Variants in ZNF487 observed in about 807,000 individuals in gnomAD.
ZNF487 encodes the protein zinc finger protein 487.
Under a neutral mutation model 3.0 loss-of-function variants are expected in ZNF487, and 4 were observed. The observed-to-expected ratio is 1.35, with a 90% CI of 0.66 to 3.08. The LOEUF is 3.08. ZNF487 is among the 30% of genes most tolerant of loss of function. The probability of loss-of-function intolerance (pLI) is 0.01; values close to 1 mark genes in which losing one functional copy is unlikely to be tolerated. For synonymous variants in ZNF487, 55 were observed against 34.6 expected, an observed-to-expected ratio of 1.59 and a Z score of -2.06; for missense variants, 146 against 98.7, an observed-to-expected ratio of 1.48 and a Z score of -2.03.
chr10:43,490,009 A>G, the ZNF487 span, among the ~76,000 whole-genome samples: 7 of 152,208 alleles, frequency 4.6e-5, no homozygotes, highest in Admixed American at 4.6e-4. Context: ...TTTATATACT[A>G]TAGACAAGAA....
intron 3 of ZNF487, 96 bp from the exon 4 acceptor site, chr10:43,481,332 CA>C (rs58434594): frequency 0.071 from 28,887 of 409,042 alleles, no homozygotes; most frequent in Non-Finnish European, 0.083. Context: ...GACACTGTGC[CA>C]AAAAAAAAAA....
intron 1 of ZNF487, among the ~76,000 whole-genome samples, chr10:43,443,378 G>A (rs866661808): frequency 8.6e-6 from 1 of 116,318 alleles, no homozygotes. Flanking sequence ...TTTTGTTTTT[G>A]TTTTTTTTTT....
At chr10:43,476,811 G>A (rs2132138937) in intron 3 of ZNF487, among the ~76,000 whole-genome samples, 1 of 152,312 alleles carries the variant, frequency 6.6e-6, no homozygotes, top group African/African-American at 2.4e-5. Flanking sequence ...GTGATGGGGA[G>A]CATGTGAGAG....
At chr10:43,481,258 G>A (rs1365055991) in intron 3 of ZNF487, among the ~76,000 whole-genome samples, 171 bp from the exon 4 acceptor site, 1 of 151,762 alleles carries the variant, frequency 6.6e-6, no homozygotes, top group Non-Finnish European at 1.5e-5. Context: ...CTGAGCCTGG[G>A]AGGTTGAGGC....
At chr10:43,494,765 CAAAAAAAAAA>C in the ZNF487 span, among the ~76,000 whole-genome samples, 6 of 35,790 alleles carry the variant, frequency 1.7e-4, no homozygotes, top group South Asian at 2.4e-3. Context: ...ACTAAAAATA[CAAAAAAAAAA>C]AAAAAAAAAA....
intron 1 of ZNF487, among the ~76,000 whole-genome samples, chr10:43,461,475 A>G (rs1564419748): frequency 6.6e-6 from 1 of 151,640 alleles, no homozygotes; most frequent in Non-Finnish European, 1.5e-5. Flanking sequence ...ATGTACCATA[A>G]TGCCTGGTTA....
At chr10:43,464,461 G>A (rs1424255513) in intron 1 of ZNF487, among the ~76,000 whole-genome samples, 1 of 151,980 alleles carries the variant, frequency 6.6e-6, no homozygotes, top group Admixed American at 6.6e-5. Flanking sequence ...TGGAGGGAAG[G>A]TCAGCAGATA....
intron 3 of ZNF487, among the ~76,000 whole-genome samples, chr10:43,477,079 C>G (rs1841125257): frequency 6.6e-6 from 1 of 151,824 alleles, no homozygotes; most frequent in Non-Finnish European, 1.5e-5. Flanking sequence ...AGTAATGATG[C>G]CCAGTTGGAT....
chr10:43,491,026 G>T, the ZNF487 span, among the ~76,000 whole-genome samples: 1 of 146,560 alleles, frequency 6.8e-6, no homozygotes, highest in Non-Finnish European at 1.5e-5. Context: ...TCTCCTGGGG[G>T]CATGATCTCG....
the ZNF487 span, among the ~76,000 whole-genome samples, chr10:43,497,968 A>G: frequency 4.9e-5 from 3 of 61,660 alleles, no homozygotes; most frequent in Non-Finnish European, 9.3e-5. Context: ...CTCCGTCTCA[A>G]AAAAAAAGAA....
chr10:43,459,143 A>C (rs985190566), intron 1 of ZNF487, among the ~76,000 whole-genome samples: 22 of 151,628 alleles, frequency 1.5e-4, no homozygotes, highest in African/African-American at 4.8e-4. Flanking sequence ...CTCTGTAATT[A>C]TTTCTTTTCT....
At chr10:43,463,751 C>T (rs1240901655) in intron 1 of ZNF487, among the ~76,000 whole-genome samples, 19 of 146,258 alleles carry the variant, frequency 1.3e-4, no homozygotes, top group Non-Finnish European at 3.0e-5. Context: ...TGTTGTGTCT[C>T]TGGGTCACAT....
intron 1 of ZNF487, among the ~76,000 whole-genome samples, chr10:43,449,056 T>C (rs913577743): frequency 5.3e-5 from 8 of 150,970 alleles, no homozygotes; most frequent in African/African-American, 1.9e-4. Context: ...CCCAGCACTT[T>C]GGGAGGGTGA....
the ZNF487 span, among the ~76,000 whole-genome samples, chr10:43,491,223 C>T: frequency 6.6e-6 from 1 of 151,760 alleles, no homozygotes; most frequent in African/African-American, 2.4e-5. Flanking sequence ...ATTCACCCGC[C>T]TCAGCCTCCC....
intron 1 of ZNF487, among the ~76,000 whole-genome samples, chr10:43,448,602 G>A (rs1278578796): frequency 2.0e-5 from 3 of 151,650 alleles, no homozygotes; most frequent in African/African-American, 7.3e-5. Flanking sequence ...GATCACTTGA[G>A]GCCAGGAGTT....
At chr10:43,493,769 C>G in the ZNF487 span, among the ~76,000 whole-genome samples, 4 of 141,354 alleles carry the variant, frequency 2.8e-5, no homozygotes, top group Admixed American at 2.9e-4. Flanking sequence ...ATGAAATATT[C>G]CAGCTAATTA....
the ZNF487 span, among the ~76,000 whole-genome samples, chr10:43,506,907 C>A: frequency 1.3e-5 from 2 of 152,078 alleles, no homozygotes; most frequent in African/African-American, 4.8e-5. Context: ...GTCCCAGGGC[C>A]CCTGGTGAGC....
chr10:43,509,397 T>C, the ZNF487 span, among the ~76,000 whole-genome samples: 1 of 151,056 alleles, frequency 6.6e-6, no homozygotes, highest in African/African-American at 2.4e-5. Context: ...AACTGGTAAA[T>C]ATTTTGCTAT....
At chr10:43,468,208 A>G (rs1365301378) in intron 1 of ZNF487, among the ~76,000 whole-genome samples, 1 of 152,160 alleles carries the variant, frequency 6.6e-6, no homozygotes, top group Non-Finnish European at 1.5e-5. Flanking sequence ...TTGTGATGTA[A>G]TCTATTCCTG....
Sources: gnomAD v4.1 joint callset for allele counts (sites outside exome capture counted in the v4.1 genomes callset) on GRCh38, gnomAD v4.1.1 for gene constraint, MANE v1.5 for transcripts, NCBI Gene and HGNC (gene_info 2026-07-23, HGNC 2026-07-21) for gene names.